The following COLGALT2 variants were observed in gnomAD, a reference collection of about 807,000 sequenced individuals.
The protein encoded by COLGALT2 is procollagen galactosyltransferase 2.
Under a neutral mutation model 73.4 loss-of-function variants are expected in COLGALT2, and 49 were observed. The observed-to-expected ratio is 0.67, with a 90% CI of 0.53 to 0.85. The LOEUF (loss-of-function observed/expected upper bound fraction) is 0.85, where lower values mean the gene tolerates loss of function less well. Among genes scored for constraint, COLGALT2 ranks in the 40% least tolerant of loss-of-function variants. The pLI, the probability that COLGALT2 is intolerant of heterozygous loss-of-function variation, is 0.00. For missense variants in COLGALT2, 722 were observed against 790.2 expected (o/e 0.91, Z 1.03); for synonymous variants, 295 against 307.6 (o/e 0.96, Z 0.43).
chr1:184,026,305 T>G (rs1182020652), intron 1 of COLGALT2, among the ~76,000 whole-genome samples: 1 of 152,154 alleles, frequency 6.6e-6, no homozygotes, highest in Non-Finnish European at 1.5e-5. Context: ...GCAGTTCACA[T>G]TTTTGAGAAG....
chr1:183,978,680 T>G (rs991298647), intron 1 of COLGALT2, among the ~76,000 whole-genome samples, 160 bp from the exon 2 acceptor site: 1 of 152,204 alleles, frequency 6.6e-6, no homozygotes, highest in Non-Finnish European at 1.5e-5. Flanking sequence ...GACAATAAAT[T>G]TCCAAAGTGA....
At position 183,938,596 on chromosome 1, in the gene COLGALT2, G is replaced by T; in HGVS notation, c.*165C>A. 1 of 1,425,342 alleles carries T rather than the reference G, an allele frequency of 7.0e-7. No homozygotes were observed. The allele number at this position is 1,425,342 out of a possible 1,614,324, so 88.3% of individuals were successfully genotyped here. A position where few individuals can be genotyped will look rare whatever the true frequency, so the allele number is the denominator to read the frequency against. Reference sequence around the variant, plus strand: ...GTTGAATTTCCTTATTTCCTTCCATGGTCAAAAATATGTTAATTTCGATCT... The same window carrying T: ...GTTGAATTTCCTTATTTCCTTCCATTGTCAAAAATATGTTAATTTCGATCT... On this transcript the variant is annotated 3_prime_UTR_variant, in exon 12 of 12. Coordinates refer to ENST00000361927, the MANE Select transcript of COLGALT2 (RefSeq NM_015101.4).
chr1:184,037,225 A>G lies in COLGALT2; in HGVS notation c.133T>C (p.Phe45Leu), dbSNP rs757311673. The change falls in exon 1 of 12, where the codon TTC (phenylalanine) becomes CTC (leucine). Residue 45 changes from phenylalanine to leucine, a missense_variant. Coordinates refer to ENST00000361927, the MANE Select transcript of COLGALT2 (RefSeq NM_015101.4). ...SEDDGEEPVV[F>L]PESPLQSPTV... ...GGGCTCTGCAGGGGCGACTCCGGGA[A>G]AACCACCGGCTCCTCTCCGTCGTCC... 6.3e-7 allele frequency: 1 copy of G among 1,599,698 alleles called. No individual in the cohort carries two copies. The highest frequency in any genetic ancestry group is 8.5e-7 in the Non-Finnish European group (1 of 1,174,904).
intron 4 of COLGALT2, among the ~76,000 whole-genome samples, chr1:183,972,591 T>A (rs1451768171): frequency 6.6e-6 from 1 of 152,078 alleles, no homozygotes; most frequent in African/African-American, 2.4e-5. Flanking sequence ...AAACCTTTTT[T>A]AACTTGAATT....
rs1244796527 is a variant in COLGALT2, at chr1:183,937,688, C to A, written c.*1073G>T. ...AATGTGTCCACACCCACCACTCCCC[C>A]GGGTGCCGTGGAAGTCTGCAACATC... On this transcript the variant is annotated 3_prime_UTR_variant, in exon 12 of 12. Transcript: ENST00000361927. 15 of 985,326 alleles carry A rather than the reference C, an allele frequency of 1.5e-5. No homozygotes were observed. The highest frequency in any genetic ancestry group is 1.1e-4 in the East Asian group (1 of 8,828). The allele number at this position is 985,326 out of a possible 1,614,324, so 61.0% of individuals were successfully genotyped here. A position where few individuals can be genotyped will look rare whatever the true frequency, so the allele number is the denominator to read the frequency against.
intron 1 of COLGALT2, among the ~76,000 whole-genome samples, chr1:184,011,427 T>C (rs1216174382): frequency 6.6e-6 from 1 of 152,136 alleles, no homozygotes; most frequent in African/African-American, 2.4e-5. Context: ...TCCAACTCAC[T>C]CCAGAGTAAT....
Position 183,982,980 on chromosome 1 carries a change from C to A in COLGALT2, c.264-4460G>T, listed in dbSNP as rs146550940. Among the ~76,000 whole-genome samples, 216 of 152,330 alleles carry A rather than the reference C, an allele frequency of 1.4e-3. 1 individual carries two copies. Among genetic ancestry groups the A allele is most frequent in the African/African-American group, 4.9e-3 (204 of 41,564 alleles). The stretch of plus-strand genomic sequence containing the variant: ...GTGTTTTCCTGGTGTACAGATTAAA[C>A]AACTCCAAAACCTGCCTAAGCATCC... On this transcript the variant is annotated intron_variant, in intron 1 of 11. Transcript: ENST00000361927.
intron 1 of COLGALT2, among the ~76,000 whole-genome samples, chr1:184,001,153 G>A (rs976328791): frequency 6.6e-5 from 10 of 152,182 alleles, no homozygotes; most frequent in Middle Eastern, 3.4e-3. Context: ...CTTTAAAGAT[G>A]TTATTCTGGC....
chr1:184,032,461 A>C (rs564969574), intron 1 of COLGALT2, among the ~76,000 whole-genome samples: 29 of 152,328 alleles, frequency 1.9e-4, no homozygotes, highest in Admixed American at 1.4e-3. Context: ...TAAGGCAGCT[A>C]TGTCTTAGAG....
At chr1:183,930,182 C>A (rs1171917149) in exon 12 of COLGALT2, 1 of 456,050 alleles carries the variant, frequency 2.2e-6, no homozygotes, top group Non-Finnish European at 4.4e-6. Flanking sequence ...ACACGACCAC[C>A]TCTGCCACAG....
chr1:183,954,939 G>T, intron 6 of COLGALT2, 101 bp from the exon 7 acceptor site: 2 of 883,422 alleles, frequency 2.3e-6, no homozygotes, highest in Non-Finnish European at 3.7e-6. Flanking sequence ...ATATAACTTG[G>T]AAATACAGGG....
At chr1:183,964,331 G>A (rs1670805456) in intron 5 of COLGALT2, 4 of 376,280 alleles carry the variant, frequency 1.1e-5, no homozygotes, top group Admixed American at 4.5e-5. Flanking sequence ...AGGGAGGCAA[G>A]GAATTCCCAT....
chr1:183,962,162 T>TC (rs1670726419), intron 6 of COLGALT2, among the ~76,000 whole-genome samples: 1 of 126,778 alleles, frequency 7.9e-6, no homozygotes, highest in Non-Finnish European at 1.7e-5. Context: ...TTCTTTTTTT[T>TC]TTTTTTTTTT....
At chr1:183,977,684 G>T (rs1049231648) in intron 2 of COLGALT2, among the ~76,000 whole-genome samples, 2 of 151,956 alleles carry the variant, frequency 1.3e-5, no homozygotes, top group African/African-American at 4.8e-5. Context: ...AGCTACTCAG[G>T]AGGTTGAGTG....
chr1:183,943,113 AACCACATG>A (rs1670158667), intron 10 of COLGALT2, among the ~76,000 whole-genome samples: 1 of 152,206 alleles, frequency 6.6e-6, no homozygotes, highest in South Asian at 2.1e-4. Context: ...TGCCAAACCA[AACCACATG>A]ACCACATGAC....
chr1:184,032,040 C>T (rs1042250367), intron 1 of COLGALT2, among the ~76,000 whole-genome samples: 1 of 152,070 alleles, frequency 6.6e-6, no homozygotes, highest in Non-Finnish European at 1.5e-5. Context: ...ACTATAGGTG[C>T]ATGCCATCGT....
chr1:184,027,672 A>G (rs74132774), intron 1 of COLGALT2, among the ~76,000 whole-genome samples: 5,254 of 152,276 alleles, frequency 0.035, 279 homozygotes, highest in African/African-American at 0.12. Context: ...CACATAGACA[A>G]TCAGTGATGG....
intron 1 of COLGALT2, among the ~76,000 whole-genome samples, chr1:183,984,516 A>G (rs921650997): frequency 6.6e-6 from 1 of 152,118 alleles, no homozygotes; most frequent in African/African-American, 2.4e-5. Flanking sequence ...ACCTCTAAGG[A>G]GCCCTGGTAC....
intron 1 of COLGALT2, among the ~76,000 whole-genome samples, chr1:183,982,710 T>A (rs906247735): frequency 1.6e-4 from 24 of 152,302 alleles, no homozygotes; most frequent in African/African-American, 5.5e-4. Context: ...GAGGATCACT[T>A]GAGCCCAGGA....
Sources: gnomAD v4.1 joint callset for allele counts (sites outside exome capture counted in the v4.1 genomes callset) on GRCh38, gnomAD v4.1.1 for gene constraint, MANE v1.5 for transcripts, NCBI Gene and HGNC (gene_info 2026-07-23, HGNC 2026-07-21) for gene names.